The following AFF1 variants were observed in gnomAD, a reference collection of about 807,000 sequenced individuals.
AFF1 encodes the protein ALF transcription elongation factor 1, also known as AF4/FMR2 family member 1.
A neutral mutation model predicts 121.7 loss-of-function variants in AFF1; 48 were observed. The observed-to-expected ratio is 0.39, with a 90% CI of 0.31 to 0.50. AFF1 has a LOEUF of 0.50. Ranked by LOEUF, AFF1 falls within the 20% of genes least tolerant of loss-of-function variation. The pLI, the probability that AFF1 is intolerant of heterozygous loss-of-function variation, is 0.76. For synonymous variants in AFF1, 613 were observed against 563.0 expected (o/e 1.09, Z -1.26); for missense variants, 1,523 against 1,511.7 (o/e 1.01, Z -0.12).
chr4:87,084,203 T>A (rs1485041816), intron 5 of AFF1, 39 bp downstream of exon 5: 2 of 1,596,018 alleles, frequency 1.3e-6, no homozygotes, highest in African/African-American at 1.3e-5. Context: ...GAAGAAATAT[T>A]TAAGTAGGTA....
chr4:86,953,984 T>C (rs977075079), intron 2 of AFF1, among the ~76,000 whole-genome samples: 3 of 152,174 alleles, frequency 2.0e-5, no homozygotes, highest in African/African-American at 4.8e-5. Flanking sequence ...GTGCTGGGAT[T>C]ACAGGCGTGA....
At chr4:87,050,159 A>C (rs1456833299) in intron 4 of AFF1, among the ~76,000 whole-genome samples, 1 of 152,150 alleles carries the variant, frequency 6.6e-6, no homozygotes, top group African/African-American at 2.4e-5. Context: ...ATAGGTGAGA[A>C]TATTACCAAT....
chr4:86,998,559 T>C (rs149580678), intron 2 of AFF1, among the ~76,000 whole-genome samples: 167 of 152,296 alleles, frequency 1.1e-3, no homozygotes, highest in Non-Finnish European at 1.6e-3. Context: ...GCCCCATCAA[T>C]CTTTTGAATA....
chr4:87,099,675 C>T (rs540430118), intron 8 of AFF1, among the ~76,000 whole-genome samples: 2 of 152,214 alleles, frequency 1.3e-5, no homozygotes, highest in Non-Finnish European at 2.9e-5. Context: ...TCCCAAAGTG[C>T]TTGGATTACA....
At chr4:86,966,571 G>T (rs1722552994) in intron 2 of AFF1, among the ~76,000 whole-genome samples, 1 of 139,050 alleles carries the variant, frequency 7.2e-6, no homozygotes, top group Admixed American at 7.5e-5. Flanking sequence ...GAAGATATTT[G>T]CTCCAAGATG....
intron 2 of AFF1, among the ~76,000 whole-genome samples, chr4:87,014,475 A>T (rs571706754): frequency 5.9e-5 from 9 of 152,352 alleles, no homozygotes; most frequent in African/African-American, 2.2e-4. Flanking sequence ...TTTTAAATGG[A>T]ACTCCTACTG....
chr4:87,095,073 A>G (rs1482993088), intron 8 of AFF1, 104 bp downstream of exon 8: 11 of 1,080,540 alleles, frequency 1.0e-5, no homozygotes, highest in Admixed American at 4.0e-5. Context: ...AATGACATTA[A>G]TAAGACTGCT....
intron 8 of AFF1, among the ~76,000 whole-genome samples, chr4:87,103,171 T>C (rs1052761549): frequency 3.3e-5 from 5 of 152,168 alleles, no homozygotes; most frequent in African/African-American, 9.7e-5. Context: ...TCAAAAACTT[T>C]AGAAAAAAAT....
In AFF1 at chr4:86,985,171, A is replaced by C. The variant is rs1315020341; in HGVS notation, c.38+36600A>C. Among the ~76,000 whole-genome samples, 57 of 105,084 alleles carry C rather than the reference A, an allele frequency of 5.4e-4. 1 individual carries two copies. Among genetic ancestry groups the C allele is most frequent in the African/African-American group, 1.8e-3 (51 of 28,816 alleles). The allele number at this position is 105,084 out of a possible 152,430, so 68.9% of individuals were successfully genotyped here. ...AATATATAAAAATATAATATATATA[A>C]TATGTATTACTATATATATATATAT... On this transcript the variant is annotated intron_variant, in intron 2 of 20. Coordinates refer to ENST00000395146, the MANE Select transcript of AFF1 (RefSeq NM_001166693.3).
intron 2 of AFF1, among the ~76,000 whole-genome samples, chr4:86,996,596 G>A (rs1302457770): frequency 1.5e-4 from 23 of 151,138 alleles, no homozygotes; most frequent in Non-Finnish European, 1.3e-4. Context: ...GCGGAAGGCC[G>A]CAGGGTCCTC....
chr4:86,992,633 C>T (rs896064040), intron 2 of AFF1, among the ~76,000 whole-genome samples: 5 of 152,106 alleles, frequency 3.3e-5, no homozygotes, highest in African/African-American at 1.2e-4. Flanking sequence ...GAGCATAGTT[C>T]CCAGCTGCAA....
At chr4:87,005,236 C>T (rs1187520234) in intron 2 of AFF1, among the ~76,000 whole-genome samples, 4 of 152,206 alleles carry the variant, frequency 2.6e-5, no homozygotes, top group Non-Finnish European at 5.9e-5. Context: ...GCCTTAGCCT[C>T]CCAAAGTGCT....
At chr4:87,054,758 G>A (rs1456632823) in intron 4 of AFF1, among the ~76,000 whole-genome samples, 1 of 152,168 alleles carries the variant, frequency 6.6e-6, no homozygotes. Flanking sequence ...AACCTGAAAA[G>A]ATCTAAATAT....
chr4:87,049,888 G>T, intron 4 of AFF1: 1 of 367,628 alleles, frequency 2.7e-6, no homozygotes, highest in Non-Finnish European at 5.4e-6. Flanking sequence ...GGGGATCTTG[G>T]TGCTCCCTGG....
At chr4:87,089,665 C>T (rs1056861673) in intron 5 of AFF1, among the ~76,000 whole-genome samples, 4 of 152,232 alleles carry the variant, frequency 2.6e-5, no homozygotes, top group African/African-American at 9.6e-5. Flanking sequence ...ACAGTCTTCA[C>T]AGCTCCACAA....
intron 2 of AFF1, among the ~76,000 whole-genome samples, chr4:87,014,412 TA>T (rs754635687): frequency 1.4e-4 from 22 of 152,228 alleles, no homozygotes; most frequent in Non-Finnish European, 2.9e-4. Flanking sequence ...TTTTGTTTTT[TA>T]AGAAAAGCTT....
intron 2 of AFF1, among the ~76,000 whole-genome samples, chr4:86,959,804 G>A (rs1375717168): frequency 6.6e-6 from 1 of 152,160 alleles, no homozygotes; most frequent in Non-Finnish European, 1.5e-5. Context: ...AAAGAACCAG[G>A]GAAGGTAAGG....
intron 4 of AFF1, among the ~76,000 whole-genome samples, chr4:87,051,714 C>T (rs959941861): frequency 1.3e-5 from 2 of 152,056 alleles, no homozygotes; most frequent in Admixed American, 1.3e-4. Context: ...ATGATCCGCC[C>T]ACCTCAGCCT....
chr4:87,094,206 T>C (rs1409813006), intron 7 of AFF1, among the ~76,000 whole-genome samples: 1 of 152,192 alleles, frequency 6.6e-6, no homozygotes, highest in South Asian at 2.1e-4. Flanking sequence ...CTGTCCTTTG[T>C]GATACAATTC....
Sources: allele counts gnomAD v4.1 joint callset (sites outside exome capture counted in the v4.1 genomes callset), GRCh38; gene constraint gnomAD v4.1.1; transcripts MANE v1.5; gene names NCBI Gene and HGNC (gene_info 2026-07-23, HGNC 2026-07-21).